SAMMSON: variants seen among roughly 807,000 people sequenced by gnomAD.
The protein encoded by SAMMSON is long intergenic non-protein coding RNA 1212.
intron 3 of SAMMSON, among the ~76,000 whole-genome samples, chr3:70,052,296 A>G (rs2067149356): frequency 6.6e-6 from 1 of 152,018 alleles, no homozygotes; most frequent in South Asian, 2.1e-4. Flanking sequence ...TATCAGTGTG[A>G]CCCCACTGCA....
intron 4 of SAMMSON, among the ~76,000 whole-genome samples, chr3:70,171,059 C>T (rs940210174): frequency 6.6e-6 from 1 of 151,822 alleles, no homozygotes; most frequent in Non-Finnish European, 1.5e-5. Flanking sequence ...CAGAATTTGG[C>T]TCTGTGATAT....
At chr3:70,184,438 G>A (rs533872258) in intron 4 of SAMMSON, among the ~76,000 whole-genome samples, 1 of 152,274 alleles carries the variant, frequency 6.6e-6, no homozygotes, top group African/African-American at 2.4e-5. Context: ...GGAAAATGCT[G>A]AAATATTATC....
At chr3:70,038,529 C>T (rs952600949) in intron 3 of SAMMSON, among the ~76,000 whole-genome samples, 1 of 152,092 alleles carries the variant, frequency 6.6e-6, no homozygotes, top group East Asian at 1.9e-4. Flanking sequence ...TTGGTTATAG[C>T]AACACTAAAT....
At chr3:70,085,837 A>G (rs904527885) in intron 4 of SAMMSON, among the ~76,000 whole-genome samples, 1 of 152,210 alleles carries the variant, frequency 6.6e-6, no homozygotes, top group Non-Finnish European at 1.5e-5. Context: ...ACACAGAGCA[A>G]TAGAACAAGT....
At chr3:70,257,789 A>T (rs191592424) in intron 6 of SAMMSON, among the ~76,000 whole-genome samples, 1 of 152,348 alleles carries the variant, frequency 6.6e-6, no homozygotes, top group African/African-American at 2.4e-5. Context: ...AGCAGCAGGC[A>T]TGTGTAGAAA....
downstream of SAMMSON, among the ~76,000 whole-genome samples, chr3:70,390,445 C>A (rs1291507160): frequency 6.6e-6 from 1 of 152,072 alleles, no homozygotes; most frequent in East Asian, 1.9e-4. Context: ...GTTCTGCAGG[C>A]TGTCCAGGAA....
intron 4 of SAMMSON, among the ~76,000 whole-genome samples, chr3:70,197,780 T>C (rs896764196): frequency 2.0e-5 from 3 of 152,198 alleles, no homozygotes; most frequent in African/African-American, 7.2e-5. Flanking sequence ...TCCGTTTCCC[T>C]CCAGTTATGT....
chr3:70,239,151 A>T (rs973501119), intron 4 of SAMMSON, among the ~76,000 whole-genome samples: 1 of 152,196 alleles, frequency 6.6e-6, no homozygotes, highest in Non-Finnish European at 1.5e-5. Context: ...TCAATTTGCA[A>T]TAGTGAAAAG....
chr3:70,006,110 A>T (rs988579327), intron 1 of SAMMSON, among the ~76,000 whole-genome samples: 1 of 152,236 alleles, frequency 6.6e-6, no homozygotes, highest in Non-Finnish European at 1.5e-5. Flanking sequence ...CAAATGATTT[A>T]AATCCCTAAA....
At chr3:70,334,411 A>G (rs879566304) in intron 7 of SAMMSON, among the ~76,000 whole-genome samples, 2 of 152,020 alleles carry the variant, frequency 1.3e-5, no homozygotes, top group Admixed American at 1.3e-4. Context: ...TACATAATAT[A>G]CAAATGTATG....
At chr3:70,223,148 T>C (rs1327152510) in intron 4 of SAMMSON, among the ~76,000 whole-genome samples, 2 of 152,204 alleles carry the variant, frequency 1.3e-5, no homozygotes, top group East Asian at 3.9e-4. Flanking sequence ...TCTATACTAC[T>C]CTTTACGTCT....
chr3:70,291,096 T>A (rs1575617448), intron 6 of SAMMSON: 1 of 152,288 alleles, frequency 6.6e-6, no homozygotes, highest in African/African-American at 2.4e-5. Context: ...AGCTACTTAT[T>A]TTTTTATGAA....
intron 1 of SAMMSON, among the ~76,000 whole-genome samples, chr3:70,010,779 G>A (rs1446859252): frequency 6.6e-6 from 1 of 152,164 alleles, no homozygotes. Flanking sequence ...GGAGGCCTCA[G>A]GAAACTTACA....
intron 4 of SAMMSON, chr3:70,172,790 A>G (rs1700969669): frequency 6.6e-6 from 1 of 151,976 alleles, no homozygotes; most frequent in Non-Finnish European, 1.5e-5. Context: ...TCAGGATTTT[A>G]ACAGGGCACA....
At chr3:70,291,907 C>G (rs146531440) in intron 7 of SAMMSON, 6 of 152,182 alleles carry the variant, frequency 3.9e-5, no homozygotes, top group African/African-American at 1.4e-4. Context: ...TCTTATCTTT[C>G]GCCTCTTACT....
intron 4 of SAMMSON, among the ~76,000 whole-genome samples, chr3:70,218,413 A>G (rs1048784155): frequency 1.1e-4 from 16 of 152,112 alleles, no homozygotes; most frequent in Non-Finnish European, 2.2e-4. Context: ...TAAGCTTTAC[A>G]GTAAAAAATC....
intron 3 of SAMMSON, among the ~76,000 whole-genome samples, chr3:70,041,957 G>A (rs2067107959): frequency 6.6e-6 from 1 of 152,062 alleles, no homozygotes; most frequent in South Asian, 2.1e-4. Flanking sequence ...GCAATCTACA[G>A]GTTTTGACCC....
At chr3:70,364,426 T>G (rs548747517) in intron 9 of SAMMSON, among the ~76,000 whole-genome samples, 2 of 152,062 alleles carry the variant, frequency 1.3e-5, no homozygotes, top group South Asian at 4.1e-4. Context: ...GCTCTTTTGT[T>G]TTGTTTTGTG....
intron 2 of SAMMSON, among the ~76,000 whole-genome samples, chr3:70,430,172 A>C (rs908860460): frequency 5.9e-5 from 9 of 152,170 alleles, no homozygotes; most frequent in African/African-American, 2.2e-4. Flanking sequence ...AGTTTTTAGC[A>C]TGAAGCGGTG....
Sources: allele counts gnomAD v4.1 joint callset (sites outside exome capture counted in the v4.1 genomes callset), GRCh38; gene constraint gnomAD v4.1.1; transcripts MANE v1.5; gene names NCBI Gene and HGNC (gene_info 2026-07-23, HGNC 2026-07-21).